Variants in LRRC8E observed in about 807,000 individuals in gnomAD.
LRRC8E encodes the protein leucine rich repeat containing 8 VRAC subunit E, also known as volume-regulated anion channel subunit LRRC8E.
Under a neutral mutation model 6.1 loss-of-function variants are expected in LRRC8E, and 6 were observed. That is an observed-to-expected ratio of 0.98 (90% CI 0.54 to 1.93). The LOEUF (loss-of-function observed/expected upper bound fraction) is 1.93. LRRC8E is among the 30% of genes most tolerant of loss of function. The pLI, the probability that LRRC8E is intolerant of heterozygous loss-of-function variation, is 0.01. For missense variants in LRRC8E, 1,028 were observed against 1,031.4 expected (o/e 1.00, Z 0.04); for synonymous variants, 485 against 472.8 (o/e 1.03, Z -0.33).
rs376199204 is a variant in LRRC8E at position 7,899,556 on chromosome 19, G to A, written c.1034G>A (p.Arg345His). The A allele has an allele frequency of 6.8e-6, 11 of 1,613,752 alleles. No homozygotes were observed. The highest frequency in any genetic ancestry group is 2.7e-5 in the African/African-American group (2 of 74,928). Residue 345 changes from arginine (R) to histidine (H), a missense_variant, in exon 3 of 3, where the codon CGT (arginine) becomes CAT (histidine). Physicochemically the swap from Arg to His is conservative, Grantham distance 29 (BLOSUM62 0). Coordinates refer to ENST00000306708, the MANE Select transcript of LRRC8E (RefSeq NM_025061.6). ...FHRPLKEYSF[R>H]SVREETGMGD... ...CGGCCCCTCAAGGAGTACTCCTTCC[G>A]TTCCGTGCGGGAGGAGACTGGCATG...
In LRRC8E at chr19:7,895,832, G is replaced by A. The variant is rs952363668; in HGVS notation, c.138+91G>A. ...AAGCCTTCTCATCACCCAAGAAAGA[G>A]AGGAAACTGAAGACAGAGCCCCACT... On this transcript the variant is annotated intron_variant, in intron 2 of 2. Coordinates refer to ENST00000306708, the MANE Select transcript of LRRC8E (RefSeq NM_025061.6). The surrounding 1 kb of genome is among the most constrained non-coding windows in gnomAD (Gnocchi z 4.7). 5.9e-6 allele frequency: 9 copies of A among 1,517,034 alleles called. No individual in the cohort carries two copies. The highest frequency in any genetic ancestry group is 1.9e-5 in the Admixed American group (1 of 53,740). The allele number at this position is 1,517,034 out of a possible 1,614,324, so 94.0% of individuals were successfully genotyped here.
In LRRC8E at chr19:7,893,269, G is replaced by C. The variant is rs140829781; in HGVS notation, c.-5-2330G>C. Among the ~76,000 whole-genome samples the C allele has an allele frequency of 4.2e-4, 64 of 152,182 alleles. No homozygotes were observed. The East Asian group carries it at 5.8e-3, about 14-fold the overall frequency. ...GATTTGCCTGCCTCGGCCTCCCAAAGTGCTGGGATTACAGGCGTGAGCCAC... is the reference window on the plus strand; with the variant it reads ...GATTTGCCTGCCTCGGCCTCCCAAACTGCTGGGATTACAGGCGTGAGCCAC... On this transcript the variant is annotated intron_variant, in intron 1 of 2. Transcript: ENST00000306708.
In LRRC8E at chr19:7,894,075, T is replaced by C. The variant is rs760633454; in HGVS notation, c.-5-1524T>C. Among the ~76,000 whole-genome samples, 20 of 152,158 alleles carry C rather than the reference T, an allele frequency of 1.3e-4. 1 individual carries two copies. Among genetic ancestry groups the C allele is most frequent in the Non-Finnish European group, 1.5e-4 (10 of 67,996 alleles). On this transcript the variant is annotated intron_variant, in intron 1 of 2. Coordinates refer to ENST00000306708, the MANE Select transcript of LRRC8E (RefSeq NM_025061.6). ...CAAACTGAAAAGGGAGGCTCAGACA[T>C]GTCAGAACCATTGGCTGAGTCGTGG...
chr19:7,898,812 A>G lies in LRRC8E; in HGVS notation c.290A>G (p.Gln97Arg). 6.2e-7 allele frequency: 1 copy of G among 1,614,224 alleles called. No individual in the cohort carries two copies. The highest frequency in any genetic ancestry group is 1.3e-5 in the African/African-American group (1 of 75,072). Residue 97 changes from glutamine (Q) to arginine (R), a missense_variant, in exon 3 of 3, where the codon CAG becomes CGG. Coordinates refer to ENST00000306708, the MANE Select transcript of LRRC8E (RefSeq NM_025061.6). ...VKGLKNNLDL[Q>R]QYSFINQLCY... ...GGCCTTAAGAACAATTTGGACCTGCAGCAATACAGCTTTATTAACCAGCTG... is the reference window on the plus strand; with the variant it reads ...GGCCTTAAGAACAATTTGGACCTGCGGCAATACAGCTTTATTAACCAGCTG...
intron 1 of LRRC8E, among the ~76,000 whole-genome samples, chr19:7,894,497 G>A (rs973410298): frequency 3.9e-5 from 6 of 152,160 alleles, no homozygotes; most frequent in African/African-American, 7.2e-5. Context: ...ATAGTGCTGG[G>A]ATTACAGGCA....
At position 7,889,428 on chromosome 19, in the gene LRRC8E, C is replaced by T. The variant is rs138653783; in HGVS notation, c.-6+828C>T. Among the ~76,000 whole-genome samples the T allele has an allele frequency of 2.8e-3, 398 of 141,496 alleles. 1 individual carries two copies. Among genetic ancestry groups the T allele is most frequent in the Non-Finnish European group, 4.8e-3 (315 of 65,046 alleles). The allele number at this position is 141,496 out of a possible 152,430, so 92.8% of individuals were successfully genotyped here. A position where few individuals can be genotyped will look rare whatever the true frequency, so the allele number is the denominator to read the frequency against. On this transcript the variant is annotated intron_variant, in intron 1 of 2. Coordinates refer to ENST00000306708, the MANE Select transcript of LRRC8E (RefSeq NM_025061.6). ...CTGCACTCCAGCCTGGGCAACAGAG[C>T]GACACTCCATCTCAAAAAAAAAAAA...
rs200741595 is a variant in LRRC8E at position 7,900,433 on chromosome 19, G to T, written c.1911G>T (p.Leu637=). Residue 637 remains leucine (L), a synonymous_variant, in exon 3 of 3, where the codon CTG becomes CTT. Coordinates refer to ENST00000306708, the MANE Select transcript of LRRC8E (RefSeq NM_025061.6). This position sits in a 1 kb window ranked among gnomAD's most constrained non-coding sequence, Gnocchi z 5.0. Reference sequence around the variant, plus strand: ...GCCGGAAGCTGGTCACGCTCAGGCTGTGGCACAACCAGATCGCCTACGTCC... The same window carrying T: ...GCCGGAAGCTGGTCACGCTCAGGCTTTGGCACAACCAGATCGCCTACGTCC... ...QHCRKLVTLR[L]WHNQIAYVPE... 22 of 1,612,992 alleles carry T rather than the reference G, an allele frequency of 1.4e-5. No individual in the cohort carries two copies. In the African/African-American group the frequency reaches 2.8e-4, roughly 21 times the overall value.
In LRRC8E at chr19:7,895,478, G is replaced by C; in HGVS notation, c.-5-121G>C. ...GTGGGGGCACACACTTTGGTGGTTT[G>C]GACAAGTTTGGGCAGGGAGGGTCAC... On this transcript the variant is annotated intron_variant, in intron 1 of 2. Coordinates refer to ENST00000306708, the MANE Select transcript of LRRC8E (RefSeq NM_025061.6). The surrounding 1 kb of genome is among the most constrained non-coding windows in gnomAD (Gnocchi z 4.7). The C allele has an allele frequency of 7.9e-7, 1 of 1,263,552 alleles. No homozygotes were observed. The highest frequency in any genetic ancestry group is 1.4e-5 in the South Asian group (1 of 73,282). The allele number at this position is 1,263,552 out of a possible 1,614,324, so 78.3% of individuals were successfully genotyped here.
At position 7,899,433 on chromosome 19, in the gene LRRC8E, C is replaced by T. The variant is rs148690108; in HGVS notation, c.911C>T (p.Thr304Ile). 4.8e-5 allele frequency: 77 copies of T among 1,614,170 alleles called. No individual in the cohort carries two copies. In the Admixed American group the frequency reaches 6.8e-4, roughly 14 times the overall value. ...TACGCCAGCTTCTGCTGCAACCACA[C>T]CAAGGCCCACCTCTTCTCCAAGCTG... is the stretch of plus-strand genomic sequence containing the variant. Reference protein sequence around the residue: ...TGYASFCCNHTKAHLFSKLAF... With the variant: ...TGYASFCCNHIKAHLFSKLAF... The change falls in exon 3 of 3, where the codon ACC becomes ATC. Residue 304 changes from threonine (T) to isoleucine (I), a missense_variant. Physicochemically the swap from Thr to Ile is moderately conservative, Grantham distance 89. Coordinates refer to ENST00000306708, the MANE Select transcript of LRRC8E (RefSeq NM_025061.6).
intron 2 of LRRC8E, among the ~76,000 whole-genome samples, 198 bp from the exon 3 acceptor site, chr19:7,898,463 G>A (rs1442331052): frequency 6.6e-6 from 1 of 151,962 alleles, no homozygotes; most frequent in African/African-American, 2.4e-5. Flanking sequence ...GGGTTCAAGC[G>A]ATTCTCCTGC....
intron 1 of LRRC8E, among the ~76,000 whole-genome samples, chr19:7,892,773 A>C (rs1981383292): frequency 6.6e-6 from 1 of 152,168 alleles, no homozygotes; most frequent in Non-Finnish European, 1.5e-5. Flanking sequence ...CTACCAGATT[A>C]CATACTGGTG....
intron 1 of LRRC8E, among the ~76,000 whole-genome samples, chr19:7,892,403 TCTGA>T (rs984544497): frequency 2.6e-5 from 4 of 151,690 alleles, no homozygotes; most frequent in East Asian, 1.9e-4. Context: ...AGAAATGGGG[TCTGA>T]CTATGTTGTC....
At chr19:7,891,424 CCT>C (rs1211147264) in intron 1 of LRRC8E, among the ~76,000 whole-genome samples, 7 of 152,074 alleles carry the variant, frequency 4.6e-5, no homozygotes, top group Non-Finnish European at 8.8e-5. Flanking sequence ...CCCCCGGTCC[CCT>C]GAGTGTTGCT....
intron 2 of LRRC8E, among the ~76,000 whole-genome samples, chr19:7,897,172 C>CT (rs147426486): frequency 0.21 from 30,903 of 147,048 alleles, 3,592 homozygotes; most frequent in Non-Finnish European, 0.25. Context: ...TTTTCTTTTT[C>CT]TTTTTCTTTT....
At position 7,898,706 on chromosome 19, in the gene LRRC8E, G is replaced by C; in HGVS notation, c.184G>C (p.Glu62Gln). Reference protein sequence around the residue: ...IICLPNHELQENLSEAPCQQL... With the variant: ...IICLPNHELQQNLSEAPCQQL... ...CTGTCTACCCAATCATGAGCTCCAGGAGAACTTATCAGAGGCCCCGTGCCA... is the reference window on the plus strand; with the variant it reads ...CTGTCTACCCAATCATGAGCTCCAGCAGAACTTATCAGAGGCCCCGTGCCA... Residue 62 changes from glutamate to glutamine, a missense_variant, in exon 3 of 3, where the codon GAG (glutamate) becomes CAG (glutamine). Coordinates refer to ENST00000306708, the MANE Select transcript of LRRC8E (RefSeq NM_025061.6). The C allele has an allele frequency of 6.2e-7, 1 of 1,613,488 alleles. No homozygotes were observed. The highest frequency in any genetic ancestry group is 8.5e-7 in the Non-Finnish European group (1 of 1,179,702).
rs1256001067 is a variant in LRRC8E at position 7,895,937 on chromosome 19, A to G, written c.138+196A>G. ...AGTCCCCACATTGCTATGCCATTCCATATCTTTTTTTCTTTTTTGAGACGG... is the reference window on the plus strand; with the variant it reads ...AGTCCCCACATTGCTATGCCATTCCGTATCTTTTTTTCTTTTTTGAGACGG... On this transcript the variant is annotated intron_variant, in intron 2 of 2. Transcript: ENST00000306708. This position sits in a 1 kb window ranked among gnomAD's most constrained non-coding sequence, Gnocchi z 4.7. 6.6e-6 allele frequency among the ~76,000 whole-genome samples: 1 copy of G among 151,986 alleles called. No homozygotes were observed. The highest frequency in any genetic ancestry group is 2.0e-4 in the East Asian group (1 of 5,128).
chr19:7,900,804 CAGA>C lies in LRRC8E; in HGVS notation c.2287_2289del (p.Glu763del). 4.4e-6 allele frequency: 7 copies of C among 1,599,044 alleles called. No homozygotes were observed. Among genetic ancestry groups the C allele is most frequent in the Non-Finnish European group, 4.3e-6 (5 of 1,171,552 alleles). Reference sequence around the variant, plus strand: ...AAAGGCAACCGCTTAGAGGCGCTGCCAGAAGAACTTGGCAACTGTGGGGGGCTC... The same window carrying C: ...AAAGGCAACCGCTTAGAGGCGCTGCCAGAACTTGGCAACTGTGGGGGGCTC... On this transcript the variant is annotated inframe_deletion, in exon 3 of 3. Transcript: ENST00000306708. The surrounding 1 kb of genome is among the most constrained non-coding windows in gnomAD (Gnocchi z 5.0).
intron 1 of LRRC8E, among the ~76,000 whole-genome samples, chr19:7,890,939 TG>T (rs1342810178): frequency 6.6e-6 from 1 of 152,138 alleles, no homozygotes; most frequent in Non-Finnish European, 1.5e-5. Context: ...TCAAATGATC[TG>T]CCTACCTTGG....
Position 7,895,702 on chromosome 19 carries a change from G to A in LRRC8E, c.99G>A (p.Val33=). 2 of 1,614,088 alleles carry A rather than the reference G, an allele frequency of 1.2e-6. No homozygotes were observed. Among genetic ancestry groups the A allele is most frequent in the Non-Finnish European group, 1.7e-6 (2 of 1,179,960 alleles). The change falls in exon 2 of 3, where the codon GTG becomes GTA. Residue 33 remains valine (V), a synonymous_variant. Coordinates refer to ENST00000306708, the MANE Select transcript of LRRC8E (RefSeq NM_025061.6). The surrounding 1 kb of genome is among the most constrained non-coding windows in gnomAD (Gnocchi z 4.7). ...WWDVLAEYLT[V]AMLMIGVFGC... Reference sequence around the variant, plus strand: ...ACGTGCTGGCCGAGTACCTCACCGTGGCCATGCTCATGATTGGGGTCTTTG... The same window carrying A: ...ACGTGCTGGCCGAGTACCTCACCGTAGCCATGCTCATGATTGGGGTCTTTG...
Sources: allele counts gnomAD v4.1 joint callset (sites outside exome capture counted in the v4.1 genomes callset), GRCh38; gene constraint gnomAD v4.1.1; non-coding constraint Gnocchi (gnomAD v3.1); transcripts MANE v1.5; gene names NCBI Gene and HGNC (gene_info 2026-07-23, HGNC 2026-07-21).